Variants in ERBB4 observed in about 807,000 individuals in gnomAD.
The protein encoded by ERBB4 is receptor tyrosine-protein kinase erbB-4.
A neutral mutation model predicts 158.0 loss-of-function variants in ERBB4; 42 were observed. The observed-to-expected ratio is 0.27, with a 90% CI of 0.21 to 0.34. The LOEUF is 0.34. Ranked by LOEUF, ERBB4 falls within the 10% of genes least tolerant of loss-of-function variation. The probability of loss-of-function intolerance (pLI) is 1.00; values close to 1 mark genes in which losing one functional copy is unlikely to be tolerated. For synonymous variants in ERBB4, 583 were observed against 558.7 expected (o/e 1.04, Z -0.61); for missense variants, 1,333 against 1,624.1 (o/e 0.82, Z 3.08).
At chr2:212,355,388 A>T (rs1372129919) in intron 1 of ERBB4, among the ~76,000 whole-genome samples, 1 of 152,066 alleles carries the variant, frequency 6.6e-6, no homozygotes, top group African/African-American at 2.4e-5. Flanking sequence ...TTTGAAGTAA[A>T]CTATGAAGTT....
intron 2 of ERBB4, among the ~76,000 whole-genome samples, chr2:212,022,312 GA>G (rs2076671997): frequency 6.6e-6 from 1 of 152,128 alleles, no homozygotes; most frequent in South Asian, 2.1e-4. Context: ...ACTGGATGAA[GA>G]AAATTTGGTA....
chr2:211,705,876 A>G (rs1025260341), intron 9 of ERBB4, among the ~76,000 whole-genome samples: 1 of 152,152 alleles, frequency 6.6e-6, no homozygotes, highest in Non-Finnish European at 1.5e-5. Context: ...TTTTTTCTGT[A>G]GCTCTACATT....
chr2:211,471,726 A>T (rs1430308414), intron 20 of ERBB4, among the ~76,000 whole-genome samples: 1 of 152,118 alleles, frequency 6.6e-6, no homozygotes, highest in East Asian at 1.9e-4. Flanking sequence ...CTCCATGGAG[A>T]AGTAGGAGTT....
chr2:211,413,361 A>T (rs927609675), intron 25 of ERBB4, among the ~76,000 whole-genome samples: 3 of 149,284 alleles, frequency 2.0e-5, no homozygotes, highest in African/African-American at 5.1e-5. Flanking sequence ...GATAAAAAAA[A>T]AAATAAAAAA....
At position 211,940,906 on chromosome 2, in the gene ERBB4, AG is replaced by A. The variant is rs879445088; in HGVS notation, c.421+6523del. Reference sequence around the variant, plus strand: ...AGTTCTCTAACGAATCAGTTGTCTGAGAATAAGTCCCAGCAAAATTTGCTGA... The same window carrying A: ...AGTTCTCTAACGAATCAGTTGTCTGAAATAAGTCCCAGCAAAATTTGCTGA... On this transcript the variant is annotated intron_variant, in intron 3 of 27. Transcript: ENST00000342788. Among the ~76,000 whole-genome samples the A allele has an allele frequency of 6.6e-4, 100 of 152,230 alleles. 1 individual carries two copies. Among genetic ancestry groups the A allele is most frequent in the African/African-American group, 2.3e-3 (95 of 41,554 alleles).
At chr2:211,628,084 T>A (rs1042961176) in intron 17 of ERBB4, among the ~76,000 whole-genome samples, 18 of 152,332 alleles carry the variant, frequency 1.2e-4, no homozygotes, top group Middle Eastern at 6.8e-3. Context: ...AAACATGCAT[T>A]CCTTGTCTGT....
chr2:211,869,772 A>C (rs1194474757), intron 3 of ERBB4, among the ~76,000 whole-genome samples: 1 of 152,178 alleles, frequency 6.6e-6, no homozygotes, highest in Non-Finnish European at 1.5e-5. Flanking sequence ...TCTCTAATAG[A>C]GTGGTATATA....
chr2:211,982,613 T>C (rs2125234212), intron 2 of ERBB4, among the ~76,000 whole-genome samples: 1 of 152,244 alleles, frequency 6.6e-6, no homozygotes, highest in East Asian at 1.9e-4. Flanking sequence ...ACAAAAGGAA[T>C]ACTGGGAGTC....
chr2:211,614,450 G>C (rs1171052007), intron 19 of ERBB4, among the ~76,000 whole-genome samples: 1 of 152,064 alleles, frequency 6.6e-6, no homozygotes, highest in East Asian at 1.9e-4. Flanking sequence ...AAGGATAAAT[G>C]CTTGAAGGGA....
At chr2:211,397,632 A>T (rs1265700566) in intron 25 of ERBB4, among the ~76,000 whole-genome samples, 4 of 152,170 alleles carry the variant, frequency 2.6e-5, no homozygotes, top group African/African-American at 9.7e-5. Flanking sequence ...ACTCTAAAGC[A>T]GGCAAAATCT....
intron 2 of ERBB4, among the ~76,000 whole-genome samples, chr2:212,068,719 C>A (rs1027928714): frequency 6.6e-6 from 1 of 152,054 alleles, no homozygotes; most frequent in African/African-American, 2.4e-5. Context: ...TCTCTGTCTG[C>A]GAAGCAAATC....
Position 212,277,028 on chromosome 2 carries a change from C to T in ERBB4, c.83-152125G>A, listed in dbSNP as rs1165825797. 3.3e-5 allele frequency among the ~76,000 whole-genome samples: 5 copies of T among 151,692 alleles called. 1 individual carries two copies. Among genetic ancestry groups the T allele is most frequent in the African/African-American group, 1.2e-4 (5 of 41,352 alleles). ...CATTACATTAATCTCACATCAGTGG[C>T]ACCTGGCTAAAATTTATGAGATATG... is the stretch of plus-strand genomic sequence containing the variant. On this transcript the variant is annotated intron_variant, in intron 1 of 27. Coordinates refer to ENST00000342788, the MANE Select transcript of ERBB4 (RefSeq NM_005235.3).
intron 1 of ERBB4, among the ~76,000 whole-genome samples, chr2:212,373,589 C>T (rs2090157862): frequency 6.6e-6 from 1 of 151,088 alleles, no homozygotes; most frequent in African/African-American, 2.4e-5. Flanking sequence ...GTTTAAATAA[C>T]TTTAAAAGTG....
At chr2:211,797,611 T>C (rs1302671234) in intron 3 of ERBB4, among the ~76,000 whole-genome samples, 1 of 151,950 alleles carries the variant, frequency 6.6e-6, no homozygotes, top group Non-Finnish European at 1.5e-5. Flanking sequence ...TCAAGATTTT[T>C]AAAAGGCTAT....
intron 3 of ERBB4, among the ~76,000 whole-genome samples, chr2:211,837,432 C>G (rs1575221403): frequency 6.6e-6 from 1 of 152,040 alleles, no homozygotes; most frequent in Non-Finnish European, 1.5e-5. Flanking sequence ...GAGGCTTAAT[C>G]TAAAGCATAG....
intron 4 of ERBB4, among the ~76,000 whole-genome samples, chr2:211,786,872 T>C (rs1389358414): frequency 6.6e-6 from 1 of 152,184 alleles, no homozygotes; most frequent in Admixed American, 6.5e-5. Flanking sequence ...TGTGAAAAGA[T>C]TCCATTTTTC....
chr2:212,418,401 T>C (rs1179060561), intron 1 of ERBB4, among the ~76,000 whole-genome samples: 2 of 151,912 alleles, frequency 1.3e-5, no homozygotes, highest in East Asian at 3.9e-4. Context: ...TTTAGAGTAG[T>C]TTAAGGAGTA....
intron 2 of ERBB4, among the ~76,000 whole-genome samples, chr2:211,964,118 A>G (rs552954803): frequency 2.0e-5 from 3 of 152,140 alleles, no homozygotes; most frequent in Non-Finnish European, 4.4e-5. Flanking sequence ...GAAGGGATTT[A>G]TCAATCATAC....
intron 3 of ERBB4, among the ~76,000 whole-genome samples, chr2:211,809,372 T>G (rs1186004716): frequency 6.6e-6 from 1 of 152,234 alleles, no homozygotes; most frequent in African/African-American, 2.4e-5. Context: ...TCAGAGCCTG[T>G]TATTGGTCTA....
Sources: allele counts gnomAD v4.1 joint callset (sites outside exome capture counted in the v4.1 genomes callset), GRCh38; gene constraint gnomAD v4.1.1; transcripts MANE v1.5; gene names NCBI Gene and HGNC (gene_info 2026-07-23, HGNC 2026-07-21).